MROH2B: variants seen among roughly 807,000 people sequenced by gnomAD.
The protein encoded by MROH2B is maestro heat-like repeat-containing protein family member 2B.
Under a neutral mutation model 208.6 loss-of-function variants are expected in MROH2B, and 177 were observed. The ratio of observed to expected loss-of-function variants is 0.85; its 90% CI spans 0.75 to 0.96. The LOEUF (loss-of-function observed/expected upper bound fraction) is 0.96. Among genes scored for constraint, MROH2B ranks in the 40% least tolerant of loss-of-function variants. The pLI is 0.00. For synonymous variants in MROH2B, 728 were observed against 659.0 expected, an observed-to-expected ratio of 1.10 and a Z score of -1.60; for missense variants, 2,002 against 1,878.7, an observed-to-expected ratio of 1.07 and a Z score of -1.21.
chr5:41,020,677 T>C (rs1325594070), intron 24 of MROH2B, among the ~76,000 whole-genome samples: 1 of 152,180 alleles, frequency 6.6e-6, no homozygotes, highest in African/African-American at 2.4e-5. Flanking sequence ...TTTATCAAAG[T>C]ATTATTTATA....
intron 12 of MROH2B, among the ~76,000 whole-genome samples, chr5:41,051,807 A>C (rs6898364): frequency 0.32 from 48,784 of 152,112 alleles, 8,574 homozygotes; most frequent in Non-Finnish European, 0.4. Context: ...ATAAAACATC[A>C]TTTTATGCTA....
In MROH2B at chr5:41,018,444, A is replaced by G. The variant is rs750474667; in HGVS notation, c.2674-14T>C. On this transcript the variant is annotated splice_polypyrimidine_tract_variant and intron_variant, in intron 26 of 41. Coordinates refer to ENST00000399564, the MANE Select transcript of MROH2B (RefSeq NM_173489.5). ...CATTTGGAGAAGCTGTTGGTCAAAG[A>G]ATAAATGTTCTTTCCTTAGTATTCT... 1.2e-6 allele frequency: 2 copies of G among 1,608,104 alleles called. No individual in the cohort carries two copies. The highest frequency in any genetic ancestry group is 1.7e-6 in the Non-Finnish European group (2 of 1,177,010).
chr5:41,027,101 G>A (rs1742391319), intron 24 of MROH2B, among the ~76,000 whole-genome samples: 1 of 152,104 alleles, frequency 6.6e-6, no homozygotes, highest in Non-Finnish European at 1.5e-5. Context: ...GAAAACCTAG[G>A]CCATAACATT....
chr5:41,004,294 G>T (rs7712140), intron 37 of MROH2B, 52 bp downstream of exon 37: 1,371,613 of 1,578,454 alleles, frequency 0.87, 596,487 homozygotes, highest in South Asian at 0.88. Context: ...ACCTAAACCT[G>T]TTTCTGTTCA....
At chr5:41,033,618 T>G (rs547511743) in intron 22 of MROH2B, among the ~76,000 whole-genome samples, 1 of 152,122 alleles carries the variant, frequency 6.6e-6, no homozygotes, top group African/African-American at 2.4e-5. Context: ...TTTTAGTTTA[T>G]AGCTCAACTT....
At chr5:41,047,845 G>T in intron 16 of MROH2B, 81 bp from the exon 17 acceptor site, 3 of 1,124,754 alleles carry the variant, frequency 2.7e-6, no homozygotes, top group South Asian at 2.8e-5. Context: ...GGCCTCCAGT[G>T]ATACTGGAGT....
At position 41,004,531 on chromosome 5, in the gene MROH2B, A is replaced by G. The variant is rs758145784; in HGVS notation, c.4012-3T>C. ...ATTAACTGCTTATGTTTCTTCACCT[A>G]TTTTGAAATAAGACCTCTTAATCTT... is the stretch of plus-strand genomic sequence containing the variant. On this transcript the variant is annotated splice_region_variant and splice_polypyrimidine_tract_variant and intron_variant, in intron 36 of 41. Transcript: ENST00000399564. 1.4e-5 allele frequency: 23 copies of G among 1,603,336 alleles called. No homozygotes were observed. The highest frequency in any genetic ancestry group is 1.9e-5 in the Non-Finnish European group (22 of 1,176,636).
At chr5:41,059,453 G>C (rs1048266154) in intron 6 of MROH2B, among the ~76,000 whole-genome samples, 2 of 151,998 alleles carry the variant, frequency 1.3e-5, no homozygotes, top group Non-Finnish European at 2.9e-5. Flanking sequence ...TTCTTATAGA[G>C]TTCTATATTC....
At chr5:41,017,745 G>C (rs1742003136) in intron 28 of MROH2B, 105 bp downstream of exon 28, 1 of 1,277,788 alleles carries the variant, frequency 7.8e-7, no homozygotes, top group Non-Finnish European at 1.0e-6. Context: ...GAGGAGAGAG[G>C]AGAGGGGAGG....
chr5:41,007,282 T>G, intron 34 of MROH2B, 32 bp downstream of exon 34: 1 of 1,360,470 alleles, frequency 7.4e-7, no homozygotes, highest in South Asian at 1.9e-5. Context: ...GTTTTCTTCT[T>G]TGTATCTGGT....
Position 41,018,758 on chromosome 5 carries a change from A to G in MROH2B, c.2606T>C (p.Leu869Pro). The G allele has an allele frequency of 6.2e-7, 1 of 1,613,738 alleles. No homozygotes were observed. The highest frequency in any genetic ancestry group is 1.1e-5 in the South Asian group (1 of 91,078). The part of the protein sequence containing the change: ...QFLYERSMDA[L>P]GKLLKTMMWD... ...CATCATGGTCTTCAGAAGTTTTCCT[A>G]GGGCGTCCATGGATCGTTCATAGAG... is the stretch of plus-strand genomic sequence containing the variant. The change falls in exon 26 of 42, where the codon CTA (leucine) becomes CCA (proline). Residue 869 changes from leucine (L) to proline (P), a missense_variant. By Grantham distance (98) the Leu-to-Pro change is moderately conservative. Coordinates refer to ENST00000399564, the MANE Select transcript of MROH2B (RefSeq NM_173489.5).
chr5:41,055,759 A>G lies in MROH2B; in HGVS notation c.1016T>C (p.Leu339Ser). The G allele has an allele frequency of 6.2e-7, 1 of 1,613,760 alleles. No individual in the cohort carries two copies. Among genetic ancestry groups the G allele is most frequent in the Non-Finnish European group, 8.5e-7 (1 of 1,179,748 alleles). Reference sequence around the variant, plus strand: ...TTGCTTACCATCAGCATTGACAGCCAATCTTAACAAAGTCAAGATTCCCAC... The same window carrying G: ...TTGCTTACCATCAGCATTGACAGCCGATCTTAACAAAGTCAAGATTCCCAC... ...IRVGILTLLR[L>S]AVNADEPRLR... The change falls in exon 10 of 42, where the codon TTG becomes TCG. Residue 339 changes from leucine (L) to serine (S), a missense_variant. By Grantham distance (145) the Leu-to-Ser change is moderately radical. Coordinates refer to ENST00000399564, the MANE Select transcript of MROH2B (RefSeq NM_173489.5).
At chr5:41,021,793 C>G (rs1742157871) in intron 24 of MROH2B, among the ~76,000 whole-genome samples, 1 of 152,118 alleles carries the variant, frequency 6.6e-6, no homozygotes, top group Non-Finnish European at 1.5e-5. Flanking sequence ...GGGAGAATCA[C>G]TTGAGCCCAG....
In MROH2B at chr5:41,052,600, C is replaced by A; in HGVS notation, c.1108-13G>T. ...CAGAATTTCTTACCTAGGGTAAGAA[C>A]AATGCAATAGCAACATTTTACTATG... is the stretch of plus-strand genomic sequence containing the variant. On this transcript the variant is annotated splice_polypyrimidine_tract_variant and intron_variant, in intron 11 of 41. Coordinates refer to ENST00000399564, the MANE Select transcript of MROH2B (RefSeq NM_173489.5). The A allele has an allele frequency of 2.5e-6, 4 of 1,596,952 alleles. No individual in the cohort carries two copies. In the Admixed American group the frequency reaches 5.1e-5, roughly 21 times the overall value.
chr5:41,058,809 G>A (rs1355774414), intron 6 of MROH2B, among the ~76,000 whole-genome samples: 1 of 152,060 alleles, frequency 6.6e-6, no homozygotes, highest in East Asian at 1.9e-4. Flanking sequence ...CACTTTGGGA[G>A]GCCGAGGCAG....
Position 41,007,327 on chromosome 5 carries a change from A to T in MROH2B, c.3736T>A (p.Cys1246Ser). 2 of 1,450,030 alleles carry T rather than the reference A, an allele frequency of 1.4e-6. No individual in the cohort carries two copies. The highest frequency in any genetic ancestry group is 9.1e-7 in the Non-Finnish European group (1 of 1,096,050). 89.8% of individuals were successfully genotyped at this position (1,450,030 alleles called of 1,614,324 possible). Residue 1246 changes from cysteine (C) to serine (S), a missense_variant, in exon 34 of 42, where the codon TGT becomes AGT. Physicochemically the swap from Cys to Ser is moderately radical, Grantham distance 112. Transcript: ENST00000399564. ...SSPSTHHIGV[C>S]SLARSMAVWQ... ...AGTGCACATTACCTGGCCAGTGAAC[A>T]TACGCCTATGTGGTGGGTACTAGGA...
Position 41,037,992 on chromosome 5 carries a change from A to G in MROH2B, c.2214+744T>C, listed in dbSNP as rs530859285. On this transcript the variant is annotated intron_variant, in intron 21 of 41. Coordinates refer to ENST00000399564, the MANE Select transcript of MROH2B (RefSeq NM_173489.5). ...AAGACAGAATGATCAGATAAATTTC[A>G]ACTCAGTTTGGTGGCTCCAAAGGTA... Among the ~76,000 whole-genome samples, 190 of 152,286 alleles carry G rather than the reference A, an allele frequency of 1.2e-3. 1 individual carries two copies. The highest frequency in any genetic ancestry group is 1.4e-3 in the Non-Finnish European group (96 of 68,024).
intron 3 of MROH2B, 133 bp downstream of exon 3, chr5:41,066,975 T>C (rs1425915289): frequency 1.5e-6 from 1 of 660,358 alleles, no homozygotes; most frequent in Non-Finnish European, 2.7e-6. Context: ...ATTATAACGA[T>C]ATCCAAGTTA....
chr5:41,068,604 A>C (rs1158016287), intron 2 of MROH2B, among the ~76,000 whole-genome samples: 1 of 152,218 alleles, frequency 6.6e-6, no homozygotes, highest in East Asian at 1.9e-4. Context: ...GGCTATTATT[A>C]TTCTTTAACT....
Sources: allele counts gnomAD v4.1 joint callset (sites outside exome capture counted in the v4.1 genomes callset), GRCh38; gene constraint gnomAD v4.1.1; transcripts MANE v1.5; gene names NCBI Gene and HGNC (gene_info 2026-07-23, HGNC 2026-07-21).